MCF2L2: variants seen among roughly 807,000 people sequenced by gnomAD.
The protein encoded by MCF2L2 is probable guanine nucleotide exchange factor MCF2L2.
MCF2L2 carries 102 observed loss-of-function variants against 150.2 expected under a neutral mutation model. That is an observed-to-expected ratio of 0.68 (90% CI 0.58 to 0.80). The LOEUF (loss-of-function observed/expected upper bound fraction) is 0.80. MCF2L2 is among the 30% of genes least tolerant of loss of function. MCF2L2 has a pLI of 0.00. For missense variants in MCF2L2, 1,256 were observed against 1,372.8 expected, an observed-to-expected ratio of 0.91 and a Z score of 1.34; for synonymous variants, 465 against 491.3, an observed-to-expected ratio of 0.95 and a Z score of 0.71.
intron 27 of MCF2L2, among the ~76,000 whole-genome samples, chr3:183,192,416 G>A (rs926154107): frequency 3.3e-5 from 5 of 152,330 alleles, no homozygotes; most frequent in African/African-American, 1.2e-4. Context: ...TGGGATTATA[G>A]GCGTGAGCCA....
chr3:183,284,820 C>G (rs1441795530), intron 14 of MCF2L2, among the ~76,000 whole-genome samples: 4 of 152,118 alleles, frequency 2.6e-5, no homozygotes, highest in Non-Finnish European at 5.9e-5. Flanking sequence ...CTCTGGTACA[C>G]AAGAAACCAT....
At chr3:183,415,133 A>G (rs1404526957) in intron 1 of MCF2L2, among the ~76,000 whole-genome samples, 1 of 151,974 alleles carries the variant, frequency 6.6e-6, no homozygotes, top group Admixed American at 6.5e-5. Flanking sequence ...TGTTCTACAC[A>G]TTACTGAAAG....
intron 15 of MCF2L2, among the ~76,000 whole-genome samples, chr3:183,266,910 C>T (rs1726194388): frequency 2.0e-5 from 3 of 151,944 alleles, no homozygotes; most frequent in South Asian, 2.1e-4. Context: ...CCTCAGCCTC[C>T]CAAGAAGCTG....
Position 183,181,567 on chromosome 3 carries a change from T to C in MCF2L2, c.3017-1408A>G, listed in dbSNP as rs1334191875. ...TCTAAGGAAACCCAAGACTCCTCTT[T>C]AGAGAAGTCATCCAGCCCTGGGGTC... On this transcript the variant is annotated intron_variant, in intron 27 of 29. Transcript: ENST00000328913. The surrounding 1 kb of genome is among the most constrained non-coding windows in gnomAD (Gnocchi z 4.3). Among the ~76,000 whole-genome samples the C allele has an allele frequency of 1.3e-5, 2 of 152,084 alleles. No homozygotes were observed. Among genetic ancestry groups the C allele is most frequent in the African/African-American group, 4.8e-5 (2 of 41,402 alleles).
At chr3:183,282,172 T>A (rs1202759418) in intron 14 of MCF2L2, among the ~76,000 whole-genome samples, 5 of 150,700 alleles carry the variant, frequency 3.3e-5, no homozygotes, top group Admixed American at 6.6e-5. Context: ...TATTATTATT[T>A]ATTTTATTTT....
At chr3:183,346,976 T>C (rs553260496) in intron 3 of MCF2L2, among the ~76,000 whole-genome samples, 3 of 152,256 alleles carry the variant, frequency 2.0e-5, no homozygotes, top group African/African-American at 4.8e-5. Flanking sequence ...AAAATGGCCA[T>C]ACTGCCCAAA....
rs888737271 is a variant in MCF2L2, at chr3:183,316,300, T to C, written c.753+1768A>G. Among the ~76,000 whole-genome samples, 5 of 28,162 alleles carry C rather than the reference T, an allele frequency of 1.8e-4. 1 individual carries two copies. Among genetic ancestry groups the C allele is most frequent in the South Asian group, 2.0e-3 (2 of 1,022 alleles). The allele number at this position is 28,162 out of a possible 152,430, so 18.5% of individuals were successfully genotyped here. A position where few individuals can be genotyped will look rare whatever the true frequency, so the allele number is the denominator to read the frequency against. ...CAGGATTTTACAATTTCAGTCCAGA[T>C]TTTTTTTTTTTGTTTGTTTTATTTT... On this transcript the variant is annotated intron_variant, in intron 7 of 29. Coordinates refer to ENST00000328913, the MANE Select transcript of MCF2L2 (RefSeq NM_015078.4).
chr3:183,212,211 T>G (rs1237419847), intron 22 of MCF2L2, among the ~76,000 whole-genome samples: 1 of 152,162 alleles, frequency 6.6e-6, no homozygotes, highest in Non-Finnish European at 1.5e-5. Flanking sequence ...GCTCTCACCT[T>G]GCCTTTGGAC....
At chr3:183,188,849 T>A (rs1721783691) in intron 27 of MCF2L2, among the ~76,000 whole-genome samples, 1 of 152,034 alleles carries the variant, frequency 6.6e-6, no homozygotes, top group Non-Finnish European at 1.5e-5. Context: ...GAGCCTGTAA[T>A]CCCAGCTACT....
chr3:183,398,821 C>T (rs1714596859), intron 1 of MCF2L2, among the ~76,000 whole-genome samples: 1 of 152,118 alleles, frequency 6.6e-6, no homozygotes, highest in Non-Finnish European at 1.5e-5. Context: ...CATTAACATA[C>T]TCAACTTTCA....
intron 21 of MCF2L2, among the ~76,000 whole-genome samples, chr3:183,216,884 C>T (rs377445574): frequency 2.0e-5 from 3 of 151,222 alleles, no homozygotes; most frequent in South Asian, 2.1e-4. Context: ...GGATTACAGG[C>T]GTAAGCCACT....
intron 15 of MCF2L2, among the ~76,000 whole-genome samples, chr3:183,250,795 C>A (rs1724486376): frequency 6.6e-6 from 1 of 152,058 alleles, no homozygotes; most frequent in African/African-American, 2.4e-5. Context: ...TGTGAAATTC[C>A]CAGAGGTGTG....
intron 3 of MCF2L2, among the ~76,000 whole-genome samples, chr3:183,356,437 C>T (rs543263676): frequency 1.3e-5 from 2 of 152,156 alleles, no homozygotes; most frequent in South Asian, 2.1e-4. Context: ...TGTTTGAACC[C>T]GGGAGGCAGA....
At chr3:183,421,120 C>T (rs1715862879) in intron 1 of MCF2L2, among the ~76,000 whole-genome samples, 1 of 152,208 alleles carries the variant, frequency 6.6e-6, no homozygotes, top group African/African-American at 2.4e-5. Flanking sequence ...CTTTCACTTT[C>T]AGCATTTTTA....
chr3:183,300,349 C>T (rs1577043088), intron 10 of MCF2L2, among the ~76,000 whole-genome samples, 153 bp from the exon 11 acceptor site: 1 of 152,198 alleles, frequency 6.6e-6, no homozygotes, highest in East Asian at 1.9e-4. Context: ...CGGAATGGTT[C>T]CAGGCCCAGG....
chr3:183,186,865 G>T (rs1184701271), intron 27 of MCF2L2, among the ~76,000 whole-genome samples: 1 of 152,198 alleles, frequency 6.6e-6, no homozygotes, highest in Non-Finnish European at 1.5e-5. Flanking sequence ...ACCAAATCAT[G>T]CATTTCTATA....
chr3:183,387,584 C>T (rs1713903823), intron 2 of MCF2L2, among the ~76,000 whole-genome samples: 1 of 152,128 alleles, frequency 6.6e-6, no homozygotes. Context: ...AAAAGAGAAA[C>T]ACTTATTCAG....
At position 183,270,832 on chromosome 3, in the gene MCF2L2, C is replaced by T. The variant is rs1236388980; in HGVS notation, c.1862+6040G>A. On this transcript the variant is annotated intron_variant, in intron 15 of 29. Coordinates refer to ENST00000328913, the MANE Select transcript of MCF2L2 (RefSeq NM_015078.4). This position sits in a 1 kb window ranked among gnomAD's most constrained non-coding sequence, Gnocchi z 4.5. ...ACAGATCCTAAAGTAAAAACCATTT[C>T]CAAAGGTTTTTTTGGTCAAATATAC... 1.2e-6 allele frequency: 2 copies of T among 1,613,712 alleles called. No individual in the cohort carries two copies. The highest frequency in any genetic ancestry group is 1.7e-5 in the Admixed American group (1 of 59,942).
rs1210245917 is a variant in MCF2L2, at chr3:183,297,030, G to C, written c.1443C>G (p.Leu481=). The C allele has an allele frequency of 1.9e-6, 3 of 1,614,024 alleles. No homozygotes were observed. In the African/African-American group the frequency reaches 4.0e-5, roughly 22 times the overall value. ...FLGTVKEYPL[L]SPKEFYNEFE... is the part of the protein sequence containing the mutation. Reference sequence around the variant, plus strand: ...ACTCGTTGTAAAACTCCTTGGGGCTGAGCAACGGGTACTCCTTGACTGTGC... The same window carrying C: ...ACTCGTTGTAAAACTCCTTGGGGCTCAGCAACGGGTACTCCTTGACTGTGC... Residue 481 remains leucine (L), a synonymous_variant, in exon 12 of 30, where the codon CTC becomes CTG. Coordinates refer to ENST00000328913, the MANE Select transcript of MCF2L2 (RefSeq NM_015078.4).
Sources: gnomAD v4.1 joint callset for allele counts (sites outside exome capture counted in the v4.1 genomes callset) on GRCh38, gnomAD v4.1.1 for gene constraint, Gnocchi (gnomAD v3.1) non-coding constraint, MANE v1.5 for transcripts, NCBI Gene and HGNC (gene_info 2026-07-23, HGNC 2026-07-21) for gene names.